Variants in SHBG observed in about 807,000 individuals in gnomAD.
The protein encoded by SHBG is sex hormone binding globulin.
In SHBG, 37 loss-of-function variants were observed where a neutral mutation model predicts 41.9. That is an observed-to-expected ratio of 0.88 (90% CI 0.68 to 1.16). The LOEUF is 1.16. SHBG is among the 50% of genes most tolerant of loss of function. The pLI, the probability that SHBG is intolerant of heterozygous loss-of-function variation, is 0.00. For missense variants in SHBG, 466 were observed against 499.9 expected (o/e 0.93, Z 0.65); for synonymous variants, 217 against 205.8 (o/e 1.05, Z -0.47).
At position 7,621,094 on chromosome 17, in the gene SHBG, CAAAAAAAAAAAA is replaced by C. The variant is rs61026446; in HGVS notation, c.-62+7001_-62+7012del. On this transcript the variant is annotated intron_variant, in intron 1 of 5. Coordinates refer to the SHBG transcript ENST00000570547. ...TGGGCAACAGAGCAAGACCCTGTCA[CAAAAAAAAAAAA>C]AAAAAAAAAAAAAAAAATCAAGATT... 7.7e-5 allele frequency among the ~76,000 whole-genome samples: 4 copies of C among 52,272 alleles called. 1 individual carries two copies. Among genetic ancestry groups the C allele is most frequent in the East Asian group, 6.1e-4 (1 of 1,640 alleles). 34.3% of individuals were successfully genotyped at this position (52,272 alleles called of 152,430 possible).
At position 7,614,334 on chromosome 17, in the gene SHBG, G is replaced by A. The variant is rs965830615; in HGVS notation, c.-62+223G>A. On this transcript the variant is annotated intron_variant, in intron 1 of 5. Coordinates refer to the SHBG transcript ENST00000570547. ...GGGAAGGCTGCGGGTTGGAGCAAGG[G>A]TCCAAGATTCTAAGGGCCAGGACTC... The A allele has an allele frequency of 1.2e-5, 9 of 768,866 alleles. No individual in the cohort carries two copies. In the African/African-American group the frequency reaches 1.2e-4, roughly 10 times the overall value. 47.6% of individuals were successfully genotyped at this position (768,866 alleles called of 1,614,324 possible). A position where few individuals can be genotyped will look rare whatever the true frequency, so the allele number is the denominator to read the frequency against.
At chr17:7,620,406 T>G (rs768594370) in intron 1 of SHBG, among the ~76,000 whole-genome samples, 1 of 152,168 alleles carries the variant, frequency 6.6e-6, no homozygotes, top group Non-Finnish European at 1.5e-5. Context: ...AACCCCTGCC[T>G]CCCGGGTTCA....
chr17:7,614,623 AGGAGCCGGAGGG>A (rs1028428839), intron 1 of SHBG: 44 of 735,412 alleles, frequency 6.0e-5, no homozygotes, highest in East Asian at 2.1e-4. Flanking sequence ...TCCCCGGAGG[AGGAGCCGGAGGG>A]GGAGCCGCGG....
At chr17:7,625,637 TCCCAGCA>T (rs944191588), upstream of SHBG, among the ~76,000 whole-genome samples, 2 of 151,844 alleles carry the variant, frequency 1.3e-5, no homozygotes, top group African/African-American at 4.8e-5. Flanking sequence ...ACACCTGTAA[TCCCAGCA>T]CTTTGGGGGG....
intron 1 of SHBG, among the ~76,000 whole-genome samples, chr17:7,615,093 C>A (rs2071945076): frequency 6.6e-6 from 1 of 152,168 alleles, no homozygotes; most frequent in East Asian, 1.9e-4. Flanking sequence ...ACCGCTCCAC[C>A]GCCCAGCCAC....
rs1255030540 is a variant in SHBG, at chr17:7,630,409, C to T, written c.112-7C>T. 3 of 1,613,552 alleles carry T rather than the reference C, an allele frequency of 1.9e-6. No homozygotes were observed. Among genetic ancestry groups the T allele is most frequent in the Non-Finnish European group, 2.5e-6 (3 of 1,179,508 alleles). Reference sequence around the variant, plus strand: ...ACTCAGCTTTGTTTGTTTTCTCTTTCTGATAGAGTGCCCACGACCCTCCGG... The same window carrying T: ...ACTCAGCTTTGTTTGTTTTCTCTTTTTGATAGAGTGCCCACGACCCTCCGG... On this transcript the variant is annotated splice_polypyrimidine_tract_variant and splice_region_variant and intron_variant, in intron 1 of 7. Transcript: ENST00000380450. This position sits in a 1 kb window ranked among gnomAD's most constrained non-coding sequence, Gnocchi z 4.6.
At chr17:7,629,507 C>T (rs538660669), upstream of SHBG, among the ~76,000 whole-genome samples, 41 of 152,048 alleles carry the variant, frequency 2.7e-4, no homozygotes, top group Non-Finnish European at 5.3e-4. Context: ...GGGGGCAGGT[C>T]CCTTCTTAAT....
intron 1 of SHBG, among the ~76,000 whole-genome samples, chr17:7,615,265 T>G (rs964932972): frequency 6.6e-6 from 1 of 151,508 alleles, no homozygotes; most frequent in Admixed American, 6.6e-5. Context: ...TTGGACAAGT[T>G]AGGGATGGGC....
chr17:7,630,915 T>C lies in SHBG; in HGVS notation c.393+46T>C. On this transcript the variant is annotated intron_variant, in intron 3 of 7. Transcript: ENST00000380450. This position sits in a 1 kb window ranked among gnomAD's most constrained non-coding sequence, Gnocchi z 4.6. ...AGGGGAGGGATGTCTGGAGCTGGTCTGAGGAAAGGGAACAAAACCAAGTTA... is the reference window on the plus strand; with the variant it reads ...AGGGGAGGGATGTCTGGAGCTGGTCCGAGGAAAGGGAACAAAACCAAGTTA... The C allele has an allele frequency of 1.9e-6, 3 of 1,577,672 alleles. No homozygotes were observed. Among genetic ancestry groups the C allele is most frequent in the Non-Finnish European group, 2.6e-6 (3 of 1,151,956 alleles).
At chr17:7,623,839 TCA>T (rs932526958), upstream of SHBG, among the ~76,000 whole-genome samples, 1 of 151,798 alleles carries the variant, frequency 6.6e-6, no homozygotes, top group East Asian at 1.9e-4. Context: ...GTGACTCACT[TCA>T]GCCTCGACCT....
intron 1 of SHBG, among the ~76,000 whole-genome samples, chr17:7,621,064 T>G (rs545965376): frequency 8.3e-6 from 1 of 120,086 alleles, no homozygotes; most frequent in East Asian, 2.6e-4. Flanking sequence ...CCACTGCACT[T>G]GGCCTGGGCA....
At chr17:7,614,488 G>A (rs771697202) in intron 1 of SHBG, 3 of 1,540,068 alleles carry the variant, frequency 1.9e-6, no homozygotes, top group African/African-American at 1.4e-5. Flanking sequence ...GCACCTCGAC[G>A]GGCAGTCCCG....
chr17:7,627,735 A>T, upstream of SHBG: 2 of 1,319,070 alleles, frequency 1.5e-6, no homozygotes, highest in Non-Finnish European at 2.2e-6. The surrounding 1 kb of genome is among the most constrained non-coding windows in gnomAD (Gnocchi z 4.8). Flanking sequence ...AGCCTGAGAG[A>T]GCGGGGTGGC....
upstream of SHBG, among the ~76,000 whole-genome samples, chr17:7,625,735 A>G (rs557244462): frequency 5.3e-5 from 8 of 150,850 alleles, no homozygotes; most frequent in East Asian, 1.6e-3. Flanking sequence ...TACTAAAAAT[A>G]CGAAAATTAG....
At chr17:7,626,357 A>G, upstream of SHBG, 1 of 1,453,672 alleles carries the variant, frequency 6.9e-7, no homozygotes, top group South Asian at 1.3e-5. Flanking sequence ...GGGAGGCCTC[A>G]GCATCAGTGT....
At chr17:7,616,263 A>G (rs1441962575) in intron 1 of SHBG, among the ~76,000 whole-genome samples, 1 of 150,490 alleles carries the variant, frequency 6.6e-6, no homozygotes, top group African/African-American at 2.5e-5. Flanking sequence ...GTGAGTGGAT[A>G]TCATGCCACC....
At chr17:7,626,396 C>A, upstream of SHBG, 1 of 1,600,138 alleles carries the variant, frequency 6.2e-7, no homozygotes, top group Non-Finnish European at 8.5e-7. Flanking sequence ...AAGAGTGCTT[C>A]AGCTGATGGG....
intron 1 of SHBG, among the ~76,000 whole-genome samples, chr17:7,616,539 G>A (rs2071994553): frequency 6.7e-6 from 1 of 150,222 alleles, no homozygotes; most frequent in African/African-American, 2.5e-5. Context: ...GCAGGAGAAT[G>A]GCGTGAACCC....
rs776035699 is a variant in SHBG, at chr17:7,630,861, T to C, written c.385T>C (p.Trp129Arg). The C allele has an allele frequency of 6.2e-7, 1 of 1,612,934 alleles. No individual in the cohort carries two copies. The highest frequency in any genetic ancestry group is 1.1e-5 in the South Asian group (1 of 91,038). The part of the protein sequence containing the change: ...GAGPRLDDGR[W>R]HQVEVKMEGD... ...TGGACCACGGCTGGATGATGGGAGA[T>C]GGCACCAGGTAAGCTAGCTCTGGTC... Residue 129 changes from tryptophan to arginine, a missense_variant, in exon 3 of 8, where the codon TGG (tryptophan) becomes CGG (arginine). Trp to Arg is a moderately radical substitution (Grantham distance 101). Transcript: ENST00000380450. The surrounding 1 kb of genome is among the most constrained non-coding windows in gnomAD (Gnocchi z 4.6).
Sources: allele counts gnomAD v4.1 joint callset (sites outside exome capture counted in the v4.1 genomes callset), GRCh38; gene constraint gnomAD v4.1.1; non-coding constraint Gnocchi (gnomAD v3.1); transcripts MANE v1.5; gene names NCBI Gene and HGNC (gene_info 2026-07-23, HGNC 2026-07-21).